Variants in ACACA observed in about 807,000 individuals in gnomAD.
The protein encoded by ACACA is acetyl-CoA carboxylase 1.
A neutral mutation model predicts 296.1 loss-of-function variants in ACACA; 103 were observed. The ratio of observed to expected loss-of-function variants is 0.35; its 90% confidence interval spans 0.30 to 0.41. The LOEUF is 0.41. Ranked by LOEUF, ACACA falls within the 10% of genes least tolerant of loss-of-function variation. The probability of loss-of-function intolerance (pLI) is 1.00; values close to 1 mark genes in which losing one functional copy is unlikely to be tolerated. For missense variants in ACACA, 1,554 were observed against 2,989.7 expected (o/e 0.52, Z 11.20); for synonymous variants, 953 against 1,038.6 (o/e 0.92, Z 1.58).
chr17:37,208,744 TC>T (rs1441302496), intron 30 of ACACA, among the ~76,000 whole-genome samples: 1 of 152,226 alleles, frequency 6.6e-6, no homozygotes, highest in African/African-American at 2.4e-5. Flanking sequence ...GTAAAGTGTT[TC>T]TGAATGCTCA....
In ACACA at chr17:37,103,903, A is replaced by AT. The variant is rs372532296; in HGVS notation, c.6566-5920dup. 2.7e-3 allele frequency among the ~76,000 whole-genome samples: 415 copies of AT among 152,274 alleles called. 2 individuals carry two copies. The highest frequency in any genetic ancestry group is 9.5e-3 in the African/African-American group (394 of 41,552). ...GCATGCCCCCCAAAATTAGCCAGGCATGGTGAAGCGTGCCTGTAGTCCCAG... is the reference window on the plus strand; with the variant it reads ...GCATGCCCCCCAAAATTAGCCAGGCATTGGTGAAGCGTGCCTGTAGTCCCAG... On this transcript the variant is annotated intron_variant, in intron 52 of 55. Coordinates refer to ENST00000616317, the MANE Select transcript of ACACA (RefSeq NM_198834.3).
intron 33 of ACACA, among the ~76,000 whole-genome samples, chr17:37,202,668 C>CATATATATAT (rs1179497445): frequency 4.6e-4 from 33 of 71,068 alleles, no homozygotes; most frequent in Non-Finnish European, 7.4e-4. Flanking sequence ...CCTTTTCTTT[C>CATATATATAT]ATATATATAT....
chr17:37,364,424 T>C (rs59232169), intron 1 of ACACA, among the ~76,000 whole-genome samples: 2,922 of 151,802 alleles, frequency 0.019, 73 homozygotes, highest in African/African-American at 0.058. Context: ...CAAAATCCCA[T>C]GTCTAGTAAA....
intron 34 of ACACA, 106 bp from the exon 35 acceptor site, chr17:37,200,289 T>C (rs2078186929): frequency 1.4e-6 from 2 of 1,393,096 alleles, no homozygotes; most frequent in Non-Finnish European, 2.0e-6. Flanking sequence ...CTAATGTTTT[T>C]TAAAAATGAA....
At chr17:37,268,737 C>CTATATATATATATATATATA (rs1302264722) in intron 10 of ACACA, among the ~76,000 whole-genome samples, 3 of 70,930 alleles carry the variant, frequency 4.2e-5, no homozygotes, top group African/African-American at 1.8e-4. Flanking sequence ...ATCTATCTAT[C>CTATATATATATATATATATA]TATCTATATA....
At chr17:37,280,333 G>A (rs575283241) in intron 5 of ACACA, among the ~76,000 whole-genome samples, 7 of 152,108 alleles carry the variant, frequency 4.6e-5, no homozygotes, top group South Asian at 4.2e-4. Flanking sequence ...CTCAGCCTCC[G>A]GAGTAGCTGA....
chr17:37,121,449 C>T lies in ACACA; in HGVS notation c.6180G>A (p.Ala2060=), dbSNP rs768098334. Residue 2060 remains alanine, a synonymous_variant, in exon 50 of 56, where the codon GCG becomes GCA. Coordinates refer to ENST00000616317, the MANE Select transcript of ACACA (RefSeq NM_198834.3). ...QAGQVWFPDS[A]FKTYQAIKDF... is the part of the protein sequence containing the mutation. ...CCTTGATGGCCTGATACGTCTTAAA[C>T]GCAGAATCTGGGAACCAAACCTGGC... 1.2e-5 allele frequency: 20 copies of T among 1,614,004 alleles called. No homozygotes were observed. Among genetic ancestry groups the T allele is most frequent in the South Asian group, 2.2e-5 (2 of 91,088 alleles).
In ACACA at chr17:37,089,185, C is replaced by T. The variant is rs377119552; in HGVS notation, c.6892-111G>A. The stretch of plus-strand genomic sequence containing the variant: ...ACTCCAAAAGTGTGCTCCGTGTCCA[C>T]GATTCTCCTTCACTGTCAGCATCGT... On this transcript the variant is annotated intron_variant, in intron 54 of 55. Coordinates refer to ENST00000616317, the MANE Select transcript of ACACA (RefSeq NM_198834.3). 6.5e-5 allele frequency: 97 copies of T among 1,482,254 alleles called. 1 individual carries two copies. In the East Asian group the frequency reaches 1.4e-3, roughly 21 times the overall value. 91.8% of individuals were successfully genotyped at this position (1,482,254 alleles called of 1,614,324 possible).
At chr17:37,371,835 G>A (rs1355444765) in intron 1 of ACACA, among the ~76,000 whole-genome samples, 1 of 152,084 alleles carries the variant, frequency 6.6e-6, no homozygotes, top group Non-Finnish European at 1.5e-5. Context: ...GGGAGGCGGA[G>A]GTTGCAGTGA....
chr17:37,221,253 T>G (rs1279307920), intron 29 of ACACA, among the ~76,000 whole-genome samples: 1 of 152,160 alleles, frequency 6.6e-6, no homozygotes, highest in Non-Finnish European at 1.5e-5. Context: ...CTGATTGAAT[T>G]TCAACTGCTA....
intron 1 of ACACA, among the ~76,000 whole-genome samples, chr17:37,351,199 C>T (rs1252611112): frequency 6.6e-6 from 1 of 152,220 alleles, no homozygotes; most frequent in Admixed American, 6.5e-5. Context: ...CGGTGGCTCA[C>T]GCCTGTAATC....
At chr17:37,234,592 A>T (rs866613168) in intron 25 of ACACA, among the ~76,000 whole-genome samples, 8 of 152,180 alleles carry the variant, frequency 5.3e-5, no homozygotes, top group African/African-American at 1.9e-4. Flanking sequence ...CAAGTTTGAC[A>T]TGAGAGCCAT....
intron 3 of ACACA, among the ~76,000 whole-genome samples, chr17:37,307,731 C>T (rs1394360355): frequency 1.3e-5 from 2 of 151,934 alleles, no homozygotes; most frequent in East Asian, 1.9e-4. Flanking sequence ...ATACTAAAGG[C>T]GTGTGGCACC....
intron 3 of ACACA, among the ~76,000 whole-genome samples, chr17:37,327,485 G>C (rs1039487765): frequency 6.6e-6 from 1 of 152,138 alleles, no homozygotes; most frequent in Non-Finnish European, 1.5e-5. Context: ...CACGAGCTAC[G>C]GACATGATTT....
At chr17:37,277,459 T>G (rs2542661) in intron 6 of ACACA, among the ~76,000 whole-genome samples, 24,954 of 152,226 alleles carry the variant, frequency 0.16, 2,768 homozygotes, top group Admixed American at 0.33. Flanking sequence ...CTATGGCCAC[T>G]CCATTACATC....
intron 10 of ACACA, among the ~76,000 whole-genome samples, chr17:37,269,008 T>C (rs1466071624): frequency 6.9e-6 from 1 of 145,746 alleles, no homozygotes; most frequent in South Asian, 2.1e-4. Context: ...TCTGAGTCAC[T>C]GATCTACCTA....
chr17:37,253,555 C>T (rs1473847621), intron 14 of ACACA, among the ~76,000 whole-genome samples: 1 of 152,010 alleles, frequency 6.6e-6, no homozygotes, highest in East Asian at 1.9e-4. Flanking sequence ...AGTCAGAAAA[C>T]GTATGAATTC....
intron 50 of ACACA, among the ~76,000 whole-genome samples, chr17:37,119,404 G>A (rs936345933): frequency 2.0e-5 from 3 of 151,792 alleles, no homozygotes; most frequent in African/African-American, 4.8e-5. Flanking sequence ...TGACTTAACC[G>A]TATACTCTCA....
intron 1 of ACACA, among the ~76,000 whole-genome samples, chr17:37,362,980 A>G (rs2049461519): frequency 1.3e-5 from 2 of 149,660 alleles, no homozygotes; most frequent in African/African-American, 4.9e-5. Context: ...TCTCAAAAAA[A>G]AAAAAAAAAA....
Sources: allele counts gnomAD v4.1 joint callset (sites outside exome capture counted in the v4.1 genomes callset), GRCh38; gene constraint gnomAD v4.1.1; transcripts MANE v1.5; gene names NCBI Gene and HGNC (gene_info 2026-07-23, HGNC 2026-07-21).